FABP6: variants seen among roughly 807,000 people sequenced by gnomAD.
The protein encoded by FABP6 is gastrotropin.
Under a neutral mutation model 14.9 loss-of-function variants are expected in FABP6, and 13 were observed. The observed-to-expected ratio is 0.87, with a 90% CI of 0.57 to 1.39. The LOEUF is 1.39. FABP6 is among the 40% of genes most tolerant of loss of function. FABP6 has a pLI of 0.00. For missense variants in FABP6, 161 were observed against 167.2 expected (o/e 0.96, Z 0.20); for synonymous variants, 75 against 63.6 (o/e 1.18, Z -0.85).
chr5:160,214,115 C>T (rs987371981), intron 3 of FABP6, among the ~76,000 whole-genome samples: 1 of 142,652 alleles, frequency 7.0e-6, no homozygotes, highest in African/African-American at 2.7e-5. Context: ...TTCTTTCTTT[C>T]TTTCTTTCTT....
chr5:160,215,785 G>A (rs999053367), intron 3 of FABP6, among the ~76,000 whole-genome samples: 4 of 152,136 alleles, frequency 2.6e-5, no homozygotes, highest in African/African-American at 9.7e-5. Flanking sequence ...AGAAGGTAAA[G>A]GTTATTTCAA....
chr5:160,215,699 GAAAA>G (rs1759996566), intron 3 of FABP6, among the ~76,000 whole-genome samples: 1 of 148,008 alleles, frequency 6.8e-6, no homozygotes, highest in African/African-American at 2.5e-5. Context: ...AAAAAAAAAA[GAAAA>G]AAAGAAGTAA....
chr5:160,229,773 C>A (rs1760330898), intron 1 of FABP6, 149 bp downstream of exon 1: 1 of 608,346 alleles, frequency 1.6e-6, no homozygotes, highest in Non-Finnish European at 2.9e-6. Context: ...TGAGCAACTG[C>A]TTTCTCCCAG....
chr5:160,220,262 G>A (rs1389805857), intron 3 of FABP6, among the ~76,000 whole-genome samples: 1 of 152,134 alleles, frequency 6.6e-6, no homozygotes, highest in Non-Finnish European at 1.5e-5. Flanking sequence ...CTTTTGCTAT[G>A]TACTTTCATT....
At chr5:160,189,942 G>A (rs1239932884) in intron 1 of FABP6, among the ~76,000 whole-genome samples, 1 of 152,076 alleles carries the variant, frequency 6.6e-6, no homozygotes, top group Non-Finnish European at 1.5e-5. Flanking sequence ...TGCCCACTGT[G>A]CAATAGCTCA....
intron 1 of FABP6, among the ~76,000 whole-genome samples, chr5:160,231,456 C>T (rs905222548): frequency 2.0e-5 from 3 of 152,142 alleles, no homozygotes; most frequent in Admixed American, 6.6e-5. Flanking sequence ...TGCAGTGGCG[C>T]GATCCCAGCT....
chr5:160,237,950 C>T (rs1760552442), intron 3 of FABP6, among the ~76,000 whole-genome samples: 2 of 152,158 alleles, frequency 1.3e-5, no homozygotes, highest in Non-Finnish European at 2.9e-5. Flanking sequence ...CTCCTCTGGG[C>T]TCTCCCACAG....
chr5:160,189,525 G>A (rs890963612), intron 1 of FABP6, among the ~76,000 whole-genome samples: 3 of 152,144 alleles, frequency 2.0e-5, no homozygotes, highest in Admixed American at 6.6e-5. Context: ...TTACAGGCAT[G>A]AGCCACCGCG....
intron 1 of FABP6, among the ~76,000 whole-genome samples, chr5:160,193,517 G>C (rs1759444875): frequency 6.6e-6 from 1 of 152,132 alleles, no homozygotes; most frequent in Non-Finnish European, 1.5e-5. Flanking sequence ...GATTGGTAGA[G>C]CCGAGTGGCC....
intron 2 of FABP6, among the ~76,000 whole-genome samples, chr5:160,205,752 T>C (rs140047881): frequency 1.3e-5 from 2 of 152,284 alleles, no homozygotes; most frequent in East Asian, 1.9e-4. Flanking sequence ...TTCTGTAATG[T>C]GAGAGTGTGG....
At chr5:160,223,417 C>G (rs1012762313) in intron 3 of FABP6, among the ~76,000 whole-genome samples, 9 of 124,696 alleles carry the variant, frequency 7.2e-5, no homozygotes, top group Non-Finnish European at 1.6e-5. Flanking sequence ...TTCCTTCTTT[C>G]CTTTCTTACT....
intron 2 of FABP6, among the ~76,000 whole-genome samples, chr5:160,233,445 G>T (rs1384634909): frequency 6.6e-6 from 1 of 152,170 alleles, no homozygotes; most frequent in Non-Finnish European, 1.5e-5. Context: ...GTATGCAAAA[G>T]GAGACTACAT....
Position 160,198,968 on chromosome 5 carries a change from T to C in FABP6, c.-58-81T>C, listed in dbSNP as rs1759570933. The C allele has an allele frequency of 4.7e-6, 4 of 854,116 alleles. No homozygotes were observed. In the East Asian group the frequency reaches 9.8e-5, roughly 21 times the overall value. 52.9% of individuals were successfully genotyped at this position (854,116 alleles called of 1,614,324 possible). A position where few individuals can be genotyped will look rare whatever the true frequency, so the allele number is the denominator to read the frequency against. On this transcript the variant is annotated intron_variant, in intron 1 of 6. Transcript: ENST00000393980. ...GGCACACAGTGAGCAGTCAATAAAA[T>C]GGATTGAATAGACAAATGAATGAAC...
chr5:160,215,359 C>T (rs957483792), intron 3 of FABP6, among the ~76,000 whole-genome samples: 27 of 151,964 alleles, frequency 1.8e-4, no homozygotes, highest in African/African-American at 6.0e-4. Context: ...ACTAAAAATA[C>T]AAAATTAGCC....
chr5:160,204,546 G>A (rs1374718090), intron 2 of FABP6, among the ~76,000 whole-genome samples: 1 of 151,970 alleles, frequency 6.6e-6, no homozygotes, highest in Non-Finnish European at 1.5e-5. Flanking sequence ...CTGGAGTGCA[G>A]TGGCGCAATC....
intron 1 of FABP6, among the ~76,000 whole-genome samples, chr5:160,191,689 C>T (rs550139796): frequency 1.7e-4 from 25 of 150,718 alleles, no homozygotes; most frequent in African/African-American, 3.2e-4. Context: ...CGGCCGGGCG[C>T]GGTGGCTCAC....
Position 160,203,613 on chromosome 5 carries a change from T to C in FABP6, c.51+4456T>C, listed in dbSNP as rs376474691. On this transcript the variant is annotated intron_variant, in intron 2 of 6. Transcript: ENST00000393980. ...CCTGGGATCAAGCAATCCTTCTGCC[T>C]TAGCCACCCAAGTAGCTGGGATTAT... is the stretch of plus-strand genomic sequence containing the variant. Among the ~76,000 whole-genome samples the C allele has an allele frequency of 2.6e-5, 4 of 152,286 alleles. No individual in the cohort carries two copies. In the East Asian group the frequency reaches 7.7e-4, roughly 29 times the overall value.
intron 3 of FABP6, among the ~76,000 whole-genome samples, chr5:160,221,472 G>A (rs1001659755): frequency 1.3e-5 from 2 of 152,204 alleles, no homozygotes; most frequent in African/African-American, 2.4e-5. Flanking sequence ...TCCAAGACGA[G>A]AGACCCCAGA....
At chr5:160,220,626 A>T (rs937449227) in intron 3 of FABP6, among the ~76,000 whole-genome samples, 3 of 151,814 alleles carry the variant, frequency 2.0e-5, no homozygotes, top group African/African-American at 7.3e-5. Context: ...TTAATAATAA[A>T]TAAGGCTTTG....
Sources: gnomAD v4.1 joint callset for allele counts (sites outside exome capture counted in the v4.1 genomes callset) on GRCh38, gnomAD v4.1.1 for gene constraint, MANE v1.5 for transcripts, NCBI Gene and HGNC (gene_info 2026-07-23, HGNC 2026-07-21) for gene names.